Variants in GEMIN2 observed in about 807,000 individuals in gnomAD.
GEMIN2 encodes gem nuclear organelle associated protein 2, also known as gem-associated protein 2.
A neutral mutation model predicts 45.8 loss-of-function variants in GEMIN2; 37 were observed. The ratio of observed to expected loss-of-function variants is 0.81; its 90% CI spans 0.62 to 1.06. GEMIN2 has a LOEUF of 1.06. Ranked by LOEUF, GEMIN2 falls within the 50% of genes least tolerant of loss-of-function variation. The pLI is 0.00. For synonymous variants in GEMIN2, 101 were observed against 111.5 expected, an observed-to-expected ratio of 0.91 and a Z score of 0.60; for missense variants, 335 against 321.8, an observed-to-expected ratio of 1.04 and a Z score of -0.31.
chr14:39,136,423 T>G lies in GEMIN2; in HGVS notation c.771-17T>G, dbSNP rs1438449572. ...TTAATATCTTTATACATAAATTTTT[T>G]GTTTTTTTTTTACTAGGTATTTTGA... is the stretch of plus-strand genomic sequence containing the variant. On this transcript the variant is annotated splice_polypyrimidine_tract_variant and intron_variant, in intron 9 of 9. Coordinates refer to ENST00000308317, the MANE Select transcript of GEMIN2 (RefSeq NM_003616.3). 7.6e-7 allele frequency: 1 copy of G among 1,317,646 alleles called. No individual in the cohort carries two copies. Among genetic ancestry groups the G allele is most frequent in the Admixed American group, 1.7e-5 (1 of 59,388 alleles). 81.6% of individuals were successfully genotyped at this position (1,317,646 alleles called of 1,614,324 possible).
At chr14:39,121,159 C>T (rs1215383077) in intron 4 of GEMIN2, among the ~76,000 whole-genome samples, 1 of 152,024 alleles carries the variant, frequency 6.6e-6, no homozygotes, top group African/African-American at 2.4e-5. Context: ...CATTTTTTCC[C>T]CCATACTTAT....
In GEMIN2 at chr14:39,136,881, C is replaced by A; in HGVS notation, c.*402C>A. 1 of 156,420 alleles carries A rather than the reference C, an allele frequency of 6.4e-6. No individual in the cohort carries two copies. The highest frequency in any genetic ancestry group is 1.4e-5 in the Non-Finnish European group (1 of 71,632). The allele number at this position is 156,420 out of a possible 1,614,324, so 9.7% of individuals were successfully genotyped here. ...ATTTTGTTTGACTCCTAACAAAAGACAATGGATGGCCTTAGCATCAGAATT... is the reference window on the plus strand; with the variant it reads ...ATTTTGTTTGACTCCTAACAAAAGAAAATGGATGGCCTTAGCATCAGAATT... On this transcript the variant is annotated 3_prime_UTR_variant, in exon 10 of 10. Coordinates refer to ENST00000308317, the MANE Select transcript of GEMIN2 (RefSeq NM_003616.3).
At chr14:39,115,550 G>A (rs751883324) in intron 2 of GEMIN2, among the ~76,000 whole-genome samples, 2 of 146,220 alleles carry the variant, frequency 1.4e-5, no homozygotes, top group African/African-American at 2.6e-5. Context: ...TCTGCCTTCC[G>A]GTTTCAAGCG....
At position 39,118,125 on chromosome 14, in the gene GEMIN2, G is replaced by C. The variant is rs2052533365; in HGVS notation, c.312+37G>C. 3.7e-6 allele frequency: 4 copies of C among 1,086,436 alleles called. No individual in the cohort carries two copies. The South Asian group carries it at 5.6e-5, about 15-fold the overall frequency. The allele number at this position is 1,086,436 out of a possible 1,614,324, so 67.3% of individuals were successfully genotyped here. Reference sequence around the variant, plus strand: ...ATTTAATCTAATTAAGCCCCTGTTGGATTTATTTCTGTTCTTAGACTGTAG... The same window carrying C: ...ATTTAATCTAATTAAGCCCCTGTTGCATTTATTTCTGTTCTTAGACTGTAG... On this transcript the variant is annotated intron_variant, in intron 3 of 9. Coordinates refer to ENST00000308317, the MANE Select transcript of GEMIN2 (RefSeq NM_003616.3).
chr14:39,116,921 T>A (rs2052515625), intron 2 of GEMIN2, among the ~76,000 whole-genome samples: 1 of 152,190 alleles, frequency 6.6e-6, no homozygotes. Flanking sequence ...CAGCTAATTG[T>A]ATTTTTTGTA....
intron 6 of GEMIN2, among the ~76,000 whole-genome samples, chr14:39,127,090 CTTTTT>C (rs35988558): frequency 1.6e-5 from 2 of 124,574 alleles, no homozygotes; most frequent in Admixed American, 8.6e-5. Flanking sequence ...ACAAATACAT[CTTTTT>C]TTTTTTTTTT....
chr14:39,129,935 T>G (rs796547346), intron 7 of GEMIN2, among the ~76,000 whole-genome samples: 276 of 48,738 alleles, frequency 5.7e-3, no homozygotes, highest in African/African-American at 0.015. Flanking sequence ...GACAAGTTTG[T>G]TTTTTTTTTT....
At position 39,114,354 on chromosome 14, in the gene GEMIN2, G is replaced by A. The variant is rs755661657; in HGVS notation, c.16G>A (p.Ala6Thr). 3.7e-6 allele frequency: 6 copies of A among 1,614,034 alleles called. No individual in the cohort carries two copies. The East Asian group carries it at 8.9e-5, about 24-fold the overall frequency. MAWVP[A>T]ESAVEELMPR... ...TTTGAAAACCATGGCGTGGGTACCA[G>A]CGGAGTCCGCAGTGGAAGAGTTGAT... is the stretch of plus-strand genomic sequence containing the variant. Residue 6 changes from alanine (A) to threonine (T), a missense_variant, in exon 1 of 10, where the codon GCG (alanine) becomes ACG (threonine). Ala to Thr is a moderately conservative substitution (Grantham distance 58). Transcript: ENST00000308317.
intron 2 of GEMIN2, among the ~76,000 whole-genome samples, chr14:39,117,269 TCAA>T (rs2052521305): frequency 2.6e-5 from 1 of 38,332 alleles, no homozygotes. Flanking sequence ...AAACTCCGTC[TCAA>T]AAAAAAAAAA....
In GEMIN2 at chr14:39,131,952, T is replaced by G; in HGVS notation, c.601-6T>G. On this transcript the variant is annotated splice_region_variant and splice_polypyrimidine_tract_variant and intron_variant, in intron 7 of 9. Coordinates refer to ENST00000308317, the MANE Select transcript of GEMIN2 (RefSeq NM_003616.3). Reference sequence around the variant, plus strand: ...CTAAATATTAATTTTTTGAATTTTTTTTTAGGGAAGATGGCTTTATGCTTT... The same window carrying G: ...CTAAATATTAATTTTTTGAATTTTTGTTTAGGGAAGATGGCTTTATGCTTT... The G allele has an allele frequency of 6.8e-7, 1 of 1,463,940 alleles. No individual in the cohort carries two copies. The highest frequency in any genetic ancestry group is 2.3e-5 in the East Asian group (1 of 44,152). The allele number at this position is 1,463,940 out of a possible 1,614,324, so 90.7% of individuals were successfully genotyped here.
rs1212260025 is a variant in GEMIN2, at chr14:39,128,067, CAAAAA to C, written c.532-191_532-187del. Among the ~76,000 whole-genome samples, 6 of 10,552 alleles carry C rather than the reference CAAAAA, an allele frequency of 5.7e-4. No individual in the cohort carries two copies. In the East Asian group the frequency reaches 0.014, roughly 25 times the overall value. 6.9% of individuals were successfully genotyped at this position (10,552 alleles called of 152,430 possible). A position where few individuals can be genotyped will look rare whatever the true frequency, so the allele number is the denominator to read the frequency against. The stretch of plus-strand genomic sequence containing the variant: ...TGGGCAACAGAGTGAGACTCTATCT[CAAAAA>C]AAAAAAAAAAAAAAAAAAAAAGCCT... On this transcript the variant is annotated intron_variant, in intron 6 of 9. Coordinates refer to ENST00000308317, the MANE Select transcript of GEMIN2 (RefSeq NM_003616.3).
At chr14:39,133,925 C>A in intron 9 of GEMIN2, 1 of 344,586 alleles carries the variant, frequency 2.9e-6, no homozygotes, top group Non-Finnish European at 5.3e-6. Context: ...TCCTGAGTAG[C>A]TAGGACCACA....
chr14:39,116,994 T>G (rs914497406), intron 2 of GEMIN2, among the ~76,000 whole-genome samples: 2 of 152,124 alleles, frequency 1.3e-5, no homozygotes, highest in African/African-American at 4.8e-5. Context: ...GAAGTATGGC[T>G]GGGCTTAGTG....
In GEMIN2 at chr14:39,133,642, TTTC is replaced by T. The variant is rs1376583206; in HGVS notation, c.712-16_712-14del. On this transcript the variant is annotated splice_polypyrimidine_tract_variant and intron_variant, in intron 8 of 9. Coordinates refer to ENST00000308317, the MANE Select transcript of GEMIN2 (RefSeq NM_003616.3). ...AATAGGAACAGACAATATTTAAATTTTTCTTTTTTTTTTTTTAGGATAGCAAAG... is the reference window on the plus strand; with the variant it reads ...AATAGGAACAGACAATATTTAAATTTTTTTTTTTTTTTTAGGATAGCAAAG... The T allele has an allele frequency of 1.4e-6, 2 of 1,383,156 alleles. No individual in the cohort carries two copies. 85.7% of individuals were successfully genotyped at this position (1,383,156 alleles called of 1,614,324 possible).
chr14:39,128,308 T>C lies in GEMIN2; in HGVS notation c.560T>C (p.Leu187Pro). 1.9e-6 allele frequency: 3 copies of C among 1,582,724 alleles called. No individual in the cohort carries two copies. The highest frequency in any genetic ancestry group is 2.6e-6 in the Non-Finnish European group (3 of 1,157,672). The change falls in exon 7 of 10, where the codon CTG becomes CCG. Residue 187 changes from leucine to proline, a missense_variant. Physicochemically the swap from Leu to Pro is moderately conservative, Grantham distance 98 (BLOSUM62 -3). Transcript: ENST00000308317. ...ACAGTAACTAGTGTCTTGGAATATC[T>C]GAGTAATTGGTTTGGAGAAAGAGAC... ...QATVTSVLEYLSNWFGERDFT... is the reference protein window; with the variant it reads ...QATVTSVLEYPSNWFGERDFT...
chr14:39,131,152 C>T (rs1299493952), intron 7 of GEMIN2, among the ~76,000 whole-genome samples: 1 of 151,816 alleles, frequency 6.6e-6, no homozygotes, highest in Non-Finnish European at 1.5e-5. Context: ...ACAAAATTAG[C>T]CGGGTGTGGT....
At chr14:39,132,694 T>C (rs1434857095) in intron 8 of GEMIN2, among the ~76,000 whole-genome samples, 8 of 135,656 alleles carry the variant, frequency 5.9e-5, no homozygotes, top group African/African-American at 1.7e-4. Flanking sequence ...TTTCTTTTAT[T>C]GTGAGATGGA....
chr14:39,116,327 C>T (rs1382490322), intron 2 of GEMIN2, among the ~76,000 whole-genome samples: 3 of 152,102 alleles, frequency 2.0e-5, no homozygotes, highest in Non-Finnish European at 2.9e-5. Flanking sequence ...TGAGCCACCA[C>T]GCCTGGCCAG....
At chr14:39,116,486 G>A (rs367846840) in intron 2 of GEMIN2, among the ~76,000 whole-genome samples, 1 of 148,686 alleles carries the variant, frequency 6.7e-6, no homozygotes, top group African/African-American at 2.5e-5. Flanking sequence ...GCGCGATCTC[G>A]GCTCACTGCA....
Sources: gnomAD v4.1 joint callset for allele counts (sites outside exome capture counted in the v4.1 genomes callset) on GRCh38, gnomAD v4.1.1 for gene constraint, MANE v1.5 for transcripts, NCBI Gene and HGNC (gene_info 2026-07-23, HGNC 2026-07-21) for gene names.